Variants in RYR1 observed in about 807,000 individuals in gnomAD.
The protein encoded by RYR1 is central core disease of muscle.
RYR1 carries 342 observed loss-of-function variants against 583.5 expected under a neutral mutation model. The ratio of observed to expected loss-of-function variants is 0.59; its 90% confidence interval spans 0.54 to 0.64. The LOEUF (loss-of-function observed/expected upper bound fraction) is 0.64. RYR1 is among the 30% of genes least tolerant of loss of function. The pLI is 0.00. For synonymous variants in RYR1, 2,791 were observed against 2,822.5 expected (o/e 0.99, Z 0.35); for missense variants, 6,032 against 6,917.2 (o/e 0.87, Z 4.54).
intron 89 of RYR1, among the ~76,000 whole-genome samples, chr19:38,552,820 C>T (rs1194964720): frequency 6.6e-6 from 1 of 151,954 alleles, no homozygotes; most frequent in Non-Finnish European, 1.5e-5. Context: ...GGGGTGGCTA[C>T]AAGAGAAGCA....
rs377178986 is a variant in RYR1, at chr19:38,543,420, C to A, written c.11763C>A (p.Tyr3921Ter). 74 of 1,614,116 alleles carry A rather than the reference C, an allele frequency of 4.6e-5. No individual in the cohort carries two copies. The highest frequency in any genetic ancestry group is 6.1e-5 in the Non-Finnish European group (72 of 1,180,038). The stretch of plus-strand genomic sequence containing the variant: ...ACATCATCATTTGCACTGTGGACTA[C>A]CTCCTGCGGCTGCAGGTGAGGACGT... Reference protein sequence around the residue: ...TINIIICTVDYLLRLQESISD... With the variant: ...TINIIICTVD The change falls in exon 85 of 106, where the codon TAC (tyrosine) becomes TAA (stop). Residue 3921 changes from tyrosine (Y) to a stop codon, truncating the protein, a stop_gained. Coordinates refer to ENST00000359596, the MANE Select transcript of RYR1 (RefSeq NM_000540.3). LOFTEE classifies it high-confidence loss of function. The surrounding 1 kb of genome is among the most constrained non-coding windows in gnomAD (Gnocchi z 4.4).
At chr19:38,455,149 G>A (rs939677577) in intron 13 of RYR1, 86 bp from the exon 14 acceptor site, 3 of 1,484,506 alleles carry the variant, frequency 2.0e-6, no homozygotes, top group Non-Finnish European at 2.8e-6. Flanking sequence ...AGTTGTTGAA[G>A]GAATATGAAT....
intron 76 of RYR1, among the ~76,000 whole-genome samples, chr19:38,530,457 TG>T (rs766647608): frequency 6.8e-6 from 1 of 147,454 alleles, no homozygotes; most frequent in South Asian, 2.2e-4. Context: ...CTGGTAGAGA[TG>T]GGGGTCTCAC....
chr19:38,565,659 A>T lies in RYR1; in HGVS notation c.13325A>T (p.Asp4442Val). The T allele has an allele frequency of 1.4e-6, 2 of 1,388,634 alleles. No homozygotes were observed. The highest frequency in any genetic ancestry group is 1.8e-6 in the Non-Finnish European group (2 of 1,082,056). The allele number at this position is 1,388,634 out of a possible 1,614,324, so 86.0% of individuals were successfully genotyped here. ...GCCGACGGGGCGGTGGCCGTGACCG[A>T]TGGGGGCCCCTTCCGGCCCGAAGGG... ...GGADGAVAVTDGGPFRPEGAG... is the reference protein window; with the variant it reads ...GGADGAVAVTVGGPFRPEGAG... The change falls in exon 91 of 106, where the codon GAT (aspartate) becomes GTT (valine). Residue 4442 changes from aspartate (D) to valine (V), a missense_variant. Asp to Val is a radical substitution (Grantham distance 152). Coordinates refer to ENST00000359596, the MANE Select transcript of RYR1 (RefSeq NM_000540.3). This position sits in a 1 kb window ranked among gnomAD's most constrained non-coding sequence, Gnocchi z 4.7.
Position 38,512,541 on chromosome 19 carries a change from A to T in RYR1, c.9472+58A>T. On this transcript the variant is annotated intron_variant, in intron 63 of 105. Coordinates refer to ENST00000359596, the MANE Select transcript of RYR1 (RefSeq NM_000540.3). This position sits in a 1 kb window ranked among gnomAD's most constrained non-coding sequence, Gnocchi z 5.1. Reference sequence around the variant, plus strand: ...GGAGTCAGTGTGGCCAACACCACCCATCCGGGTGCCTGTGAGAGTCCCTGG... The same window carrying T: ...GGAGTCAGTGTGGCCAACACCACCCTTCCGGGTGCCTGTGAGAGTCCCTGG... 6.7e-7 allele frequency: 1 copy of T among 1,497,938 alleles called. No individual in the cohort carries two copies. 92.8% of individuals were successfully genotyped at this position (1,497,938 alleles called of 1,614,324 possible).
In RYR1 at chr19:38,455,706, C is replaced by A; in HGVS notation, c.1746C>A (p.Ile582=). 6.2e-7 allele frequency: 1 copy of A among 1,613,758 alleles called. No individual in the cohort carries two copies. Among genetic ancestry groups the A allele is most frequent in the Non-Finnish European group, 8.5e-7 (1 of 1,179,780 alleles). Residue 582 remains isoleucine, a synonymous_variant, in exon 16 of 106, where the codon ATC becomes ATA. Coordinates refer to ENST00000359596, the MANE Select transcript of RYR1 (RefSeq NM_000540.3). Reference sequence around the variant, plus strand: ...TGAACATCATCCAGGAGAATCACATCAAGTCCATCATCTCCCTCCTGGACA... The same window carrying A: ...TGAACATCATCCAGGAGAATCACATAAAGTCCATCATCTCCCTCCTGGACA... The part of the protein sequence containing the change: ...EVLNIIQENH[I]KSIISLLDKH...
intron 94 of RYR1, among the ~76,000 whole-genome samples, chr19:38,570,898 C>A (rs1189807452): frequency 6.6e-6 from 1 of 152,224 alleles, no homozygotes; most frequent in East Asian, 1.9e-4. Context: ...CCATCTGGGA[C>A]AGAAGCCTGA....
In RYR1 at chr19:38,512,373, A is replaced by C. The variant is rs1468501108; in HGVS notation, c.9362A>C (p.Gln3121Pro). The C allele has an allele frequency of 1.2e-6, 2 of 1,614,088 alleles. No individual in the cohort carries two copies. Among genetic ancestry groups the C allele is most frequent in the Non-Finnish European group, 1.7e-6 (2 of 1,180,038 alleles). The change falls in exon 63 of 106, where the codon CAG becomes CCG. Residue 3121 changes from glutamine (Q) to proline (P), a missense_variant. By Grantham distance (76) the Gln-to-Pro change is moderately conservative (BLOSUM62 -1). This residue lies in a region of RYR1 where 1,493 missense variants were observed against 1,715.5 expected (regional missense o/e 0.87). Coordinates refer to ENST00000359596, the MANE Select transcript of RYR1 (RefSeq NM_000540.3). This position sits in a 1 kb window ranked among gnomAD's most constrained non-coding sequence, Gnocchi z 5.1. The part of the protein sequence containing the change: ...RLGKVSQART[Q>P]VKGVGQNLTY... ...GGCAAGGTGTCGCAGGCGCGCACCC[A>C]GGTGAAAGGCGTGGGCCAGAACCTC...
intron 75 of RYR1, 82 bp from the exon 76 acceptor site, chr19:38,528,869 A>T (rs954219040): frequency 4.6e-5 from 71 of 1,536,862 alleles, no homozygotes; most frequent in Non-Finnish European, 6.2e-5. Context: ...GAGAAAAAAA[A>T]ATCCAGACCA....
Position 38,529,310 on chromosome 19 carries a change from G to A in RYR1, c.11141+253G>A, listed in dbSNP as rs2960353. Among the ~76,000 whole-genome samples, 10,103 of 152,184 alleles carry A rather than the reference G, an allele frequency of 0.066. 1,148 individuals carry two copies. The highest frequency in any genetic ancestry group is 0.23 in the African/African-American group (9,507 of 41,476). On this transcript the variant is annotated intron_variant, in intron 76 of 105. Coordinates refer to ENST00000359596, the MANE Select transcript of RYR1 (RefSeq NM_000540.3). ...AGCCTGGCCAATATGGCAAAACCCC[G>A]TTTCTACAAAAATACAATAAATAGC...
rs781766697 is a variant in RYR1, at chr19:38,566,938, C to T, written c.13465C>T (p.Pro4489Ser). The change falls in exon 92 of 106, where the codon CCA (proline) becomes TCA (serine). Residue 4489 changes from proline (P) to serine (S), a missense_variant. By Grantham distance (74) the Pro-to-Ser change is moderately conservative (BLOSUM62 -1). Coordinates refer to ENST00000359596, the MANE Select transcript of RYR1 (RefSeq NM_000540.3). ...GGATGGAGTGGAGGAGGAGCTCCCG[C>T]CAGAGCCAGAGCCCGAGCCGGAACC... ...GVDGVEEELP[P>S]EPEPEPEPEL... 42 of 1,606,144 alleles carry T rather than the reference C, an allele frequency of 2.6e-5. No individual in the cohort carries two copies. The highest frequency in any genetic ancestry group is 3.1e-5 in the Non-Finnish European group (37 of 1,176,720).
intron 49 of RYR1, among the ~76,000 whole-genome samples, 181 bp downstream of exon 49, chr19:38,503,151 A>G (rs1370636312): frequency 6.6e-6 from 1 of 152,148 alleles, no homozygotes; most frequent in Admixed American, 6.6e-5. Context: ...TTCCCAGAAC[A>G]TTCACTTTGC....
rs754155218 is a variant in RYR1, at chr19:38,436,830, C to T, written c.45+2956C>T. On this transcript the variant is annotated intron_variant, in intron 1 of 105. Transcript: ENST00000359596. ...TTTGGTTAAGTATGATGGCCACAGC[C>T]CCCCCAAACTGATTTCACTTCCCTT... Among the ~76,000 whole-genome samples the T allele has an allele frequency of 5.9e-5, 9 of 152,048 alleles. No individual in the cohort carries two copies. In the East Asian group the frequency reaches 7.7e-4, roughly 13 times the overall value.
At chr19:38,441,331 T>A (rs1338786929) in intron 2 of RYR1, among the ~76,000 whole-genome samples, 4 of 150,736 alleles carry the variant, frequency 2.7e-5, no homozygotes, top group Non-Finnish European at 4.4e-5. Flanking sequence ...TTTTATTTTT[T>A]ATTTTTAAAA....
At position 38,496,975 on chromosome 19, in the gene RYR1, C is replaced by A. The variant is rs751308944; in HGVS notation, c.6891+21C>A. On this transcript the variant is annotated intron_variant, in intron 42 of 105. Transcript: ENST00000359596. This position sits in a 1 kb window ranked among gnomAD's most constrained non-coding sequence, Gnocchi z 4.8. ...AAAAGGTGTGGAGGGCAGGGCTGGGCCCCAGGCCTAAGGGAGGAAATCGGG... is the reference window on the plus strand; with the variant it reads ...AAAAGGTGTGGAGGGCAGGGCTGGGACCCAGGCCTAAGGGAGGAAATCGGG... 6.3e-7 allele frequency: 1 copy of A among 1,598,610 alleles called. No individual in the cohort carries two copies. The highest frequency in any genetic ancestry group is 1.1e-5 in the South Asian group (1 of 90,734).
At chr19:38,535,663 T>A (rs1429202115) in intron 81 of RYR1, 6 of 596,740 alleles carry the variant, frequency 1.0e-5, no homozygotes, top group Non-Finnish European at 1.5e-5. Flanking sequence ...CAGTGGGAGA[T>A]TTAGGAGCTC....
At position 38,444,345 on chromosome 19, in the gene RYR1, G is replaced by C. The variant is rs1972837191; in HGVS notation, c.537+84G>C. 1.8e-6 allele frequency: 2 copies of C among 1,138,868 alleles called. No individual in the cohort carries two copies. Among genetic ancestry groups the C allele is most frequent in the Admixed American group, 2.0e-5 (1 of 51,220 alleles). 70.5% of individuals were successfully genotyped at this position (1,138,868 alleles called of 1,614,324 possible). A position where few individuals can be genotyped will look rare whatever the true frequency, so the allele number is the denominator to read the frequency against. On this transcript the variant is annotated intron_variant, in intron 6 of 105. Coordinates refer to ENST00000359596, the MANE Select transcript of RYR1 (RefSeq NM_000540.3). The surrounding 1 kb of genome is among the most constrained non-coding windows in gnomAD (Gnocchi z 5.1). ...CTTCTCACCATGGGTTTGCCTGGCT[G>C]ATCTCCCACCCCCAAGGTCCTGACT...
At chr19:38,575,606 C>T (rs2145880964) in intron 96 of RYR1, among the ~76,000 whole-genome samples, 1 of 151,792 alleles carries the variant, frequency 6.6e-6, no homozygotes, top group African/African-American at 2.4e-5. Flanking sequence ...AGTTCAAGAA[C>T]AGCCTGGCCA....
rs764143040 is a variant in RYR1, at chr19:38,528,297, C to T, written c.10825-9C>T. On this transcript the variant is annotated splice_polypyrimidine_tract_variant and intron_variant, in intron 73 of 105. Coordinates refer to ENST00000359596, the MANE Select transcript of RYR1 (RefSeq NM_000540.3). Reference sequence around the variant, plus strand: ...TGGGGATGTGACTGTCCTGCTATCCCCTCCCCAGACCGAGCACCCTTACAA... The same window carrying T: ...TGGGGATGTGACTGTCCTGCTATCCTCTCCCCAGACCGAGCACCCTTACAA... 7 of 1,613,116 alleles carry T rather than the reference C, an allele frequency of 4.3e-6. No individual in the cohort carries two copies. In the South Asian group the frequency reaches 7.7e-5, roughly 18 times the overall value.
Sources: gnomAD v4.1 joint callset for allele counts (sites outside exome capture counted in the v4.1 genomes callset) on GRCh38, gnomAD v4.1.1 for gene constraint, gnomAD v4.1.1 regional missense constraint, Gnocchi (gnomAD v3.1) non-coding constraint, MANE v1.5 for transcripts, NCBI Gene and HGNC (gene_info 2026-07-23, HGNC 2026-07-21) for gene names.